CACNA1G: variants seen among roughly 807,000 people sequenced by gnomAD.
The protein encoded by CACNA1G is calcium voltage-gated channel subunit alpha1 G.
CACNA1G carries 67 observed loss-of-function variants against 219.4 expected under a neutral mutation model. That is an observed-to-expected ratio of 0.31 (90% CI 0.25 to 0.37). The LOEUF is 0.37. CACNA1G is among the 10% of genes least tolerant of loss of function. The pLI is 1.00. For synonymous variants in CACNA1G, 1,296 were observed against 1,345.3 expected, an observed-to-expected ratio of 0.96 and a Z score of 0.80; for missense variants, 2,380 against 3,231.4, an observed-to-expected ratio of 0.74 and a Z score of 6.39.
At position 50,603,194 on chromosome 17, in the gene CACNA1G, G is replaced by A. The variant is rs527581833; in HGVS notation, c.4164G>A (p.Pro1388=). 36 of 1,602,024 alleles carry A rather than the reference G, an allele frequency of 2.2e-5. 1 individual carries two copies. Among genetic ancestry groups the A allele is most frequent in the South Asian group, 1.3e-4 (12 of 90,900 alleles). ...TGCGGCTGCTGCGGACCCTGCGCCCGCTCAGGTGACTCCCTCCCCAGCACT... is the reference window on the plus strand; with the variant it reads ...TGCGGCTGCTGCGGACCCTGCGCCCACTCAGGTGACTCCCTCCCCAGCACT... ...RVLRLLRTLR[P]LRVISRAQGL... is the part of the protein sequence containing the mutation. The change falls in exon 21 of 38, where the codon CCG becomes CCA. Residue 1388 remains proline, a synonymous_variant. Transcript: ENST00000359106. The surrounding 1 kb of genome is among the most constrained non-coding windows in gnomAD (Gnocchi z 6.4).
At chr17:50,584,944 T>C (rs2042711513) in intron 9 of CACNA1G, among the ~76,000 whole-genome samples, 1 of 152,030 alleles carries the variant, frequency 6.6e-6, no homozygotes, top group Non-Finnish European at 1.5e-5. Context: ...TGTTCGTGCC[T>C]CTCTCTAGCG....
At chr17:50,569,015 T>TGTGTGTGTGTGTGTGTGTTG (rs58450142) in intron 2 of CACNA1G, 34 bp downstream of exon 2, 24,510 of 1,212,858 alleles carry the variant, frequency 0.02, 284 homozygotes, top group African/African-American at 0.031. Context: ...TGTGTGTGTG[T>TGTGTGTGTGTGTGTGTGTTG]TGTGTGTGTT....
At chr17:50,624,324 T>TGCCCCCCCCCCGCCCCCCCGGG in intron 36 of CACNA1G, 36 bp from the exon 37 acceptor site, 1 of 1,177,664 alleles carries the variant, frequency 8.5e-7, no homozygotes, top group Non-Finnish European at 1.2e-6. Context: ...CTCCATTCTC[T>TGCCCCCCCCCCGCCCCCCCGGG]CCCCCCACCC....
chr17:50,561,622 G>T lies in CACNA1G; in HGVS notation c.163G>T (p.Ala55Ser), dbSNP rs747394020. 2 of 1,598,856 alleles carry T rather than the reference G, an allele frequency of 1.3e-6. No homozygotes were observed. The highest frequency in any genetic ancestry group is 8.5e-7 in the Non-Finnish European group (1 of 1,173,840). Residue 55 changes from alanine to serine, a missense_variant, in exon 1 of 38, where the codon GCG becomes TCG. This residue lies in a region of CACNA1G where 98 missense variants were observed against 85.5 expected (regional missense o/e 1.15). Coordinates refer to ENST00000359106, the MANE Select transcript of CACNA1G (RefSeq NM_018896.5). ...CGAGGCGGAGGGGCTGCCGTACCCGGCGCTGGCCCCGGTGGTTTTCTTCTA... is the reference window on the plus strand; with the variant it reads ...CGAGGCGGAGGGGCTGCCGTACCCGTCGCTGGCCCCGGTGGTTTTCTTCTA... ...DSEAEGLPYPALAPVVFFYLS... is the reference protein window; with the variant it reads ...DSEAEGLPYPSLAPVVFFYLS...
At chr17:50,564,226 G>A (rs1721161433) in intron 1 of CACNA1G, among the ~76,000 whole-genome samples, 1 of 151,076 alleles carries the variant, frequency 6.6e-6, no homozygotes, top group Admixed American at 6.6e-5. Context: ...AGGGGTACTG[G>A]CAGACAGTCA....
At chr17:50,601,224 C>T in intron 19 of CACNA1G, 50 bp downstream of exon 19, 2 of 1,600,674 alleles carry the variant, frequency 1.2e-6, no homozygotes, top group Non-Finnish European at 8.5e-7. Context: ...GGTTTGCACT[C>T]AGGACCAGTG....
At chr17:50,585,031 G>A (rs905988045) in intron 9 of CACNA1G, among the ~76,000 whole-genome samples, 1 of 152,134 alleles carries the variant, frequency 6.6e-6, no homozygotes, top group East Asian at 1.9e-4. Context: ...GGGCAGGGCA[G>A]GAGCTCTTGA....
intron 1 of CACNA1G, among the ~76,000 whole-genome samples, chr17:50,564,736 G>A (rs188074880): frequency 2.3e-4 from 35 of 152,044 alleles, no homozygotes; most frequent in African/African-American, 8.5e-4. Context: ...AGGAAATGGT[G>A]GGGGGAGTGT....
chr17:50,580,710 G>A (rs777368753), intron 9 of CACNA1G, among the ~76,000 whole-genome samples: 1 of 152,210 alleles, frequency 6.6e-6, no homozygotes, highest in Non-Finnish European at 1.5e-5. Context: ...CTCAGTGACA[G>A]CAGTGTCTGC....
chr17:50,623,305 T>C (rs1398288651), intron 35 of CACNA1G, among the ~76,000 whole-genome samples: 1 of 130,202 alleles, frequency 7.7e-6, no homozygotes, highest in Non-Finnish European at 1.6e-5. Flanking sequence ...AGAAATGGGG[T>C]TTTGCCATGT....
chr17:50,591,495 G>A lies in CACNA1G; in HGVS notation c.2514G>A (p.Leu838=), dbSNP rs1340585106. The A allele has an allele frequency of 9.3e-6, 15 of 1,607,942 alleles. No individual in the cohort carries two copies. The highest frequency in any genetic ancestry group is 1.2e-5 in the Non-Finnish European group (14 of 1,177,646). The change falls in exon 11 of 38, where the codon CTG becomes CTA. Residue 838 remains leucine (L), a synonymous_variant. Transcript: ENST00000359106. ...GGLSVLRTFR[L]MRVLKLVRFL... The stretch of plus-strand genomic sequence containing the variant: ...TGTCGGTGCTGCGGACCTTCCGCCT[G>A]ATGCGTGTGCTGAAGCTGGTGCGCT...
rs573553757 is a variant in CACNA1G at position 50,622,456 on chromosome 17, G to A, written c.6060+662G>A. Among the ~76,000 whole-genome samples the A allele has an allele frequency of 5.9e-5, 9 of 152,266 alleles. No individual in the cohort carries two copies. In the East Asian group the frequency reaches 1.5e-3, roughly 26 times the overall value. The stretch of plus-strand genomic sequence containing the variant: ...CCACTGTTCCCCTCCTGTTGTCAGA[G>A]GAGGGCCCAGCTGAGGCAGGGACTG... On this transcript the variant is annotated intron_variant, in intron 35 of 37. Transcript: ENST00000359106.
Position 50,592,074 on chromosome 17 carries a change from G to A in CACNA1G, c.2892G>A (p.Val964=). ...VLFNLLVAIL[V]EGFQAEEISK... is the part of the protein sequence containing the mutation. ...TCAATTTGCTGGTCGCCATTCTGGT[G>A]GAGGGCTTCCAGGCGGAGGTAACCC... is the stretch of plus-strand genomic sequence containing the variant. Residue 964 remains valine, a synonymous_variant, in exon 13 of 38, where the codon GTG becomes GTA. Transcript: ENST00000359106. 6.2e-7 allele frequency: 1 copy of A among 1,613,506 alleles called. No individual in the cohort carries two copies. The highest frequency in any genetic ancestry group is 1.1e-5 in the South Asian group (1 of 91,000).
chr17:50,565,304 G>C (rs2037408828), intron 1 of CACNA1G, among the ~76,000 whole-genome samples: 1 of 151,332 alleles, frequency 6.6e-6, no homozygotes, highest in Non-Finnish European at 1.5e-5. Flanking sequence ...TTTCAATTCA[G>C]CTGGAAGCCT....
chr17:50,609,105 C>T (rs908032065), intron 25 of CACNA1G, among the ~76,000 whole-genome samples: 1 of 152,194 alleles, frequency 6.6e-6, no homozygotes, highest in African/African-American at 2.4e-5. Flanking sequence ...GGTGTGTTCA[C>T]ATGTGAGTAC....
chr17:50,581,908 T>G (rs1389172270), intron 9 of CACNA1G, among the ~76,000 whole-genome samples: 2 of 152,242 alleles, frequency 1.3e-5, no homozygotes, highest in African/African-American at 2.4e-5. Context: ...GATTAACAAC[T>G]AGCCCTTCTA....
chr17:50,624,328 C>CCCCCCCCCCCCCCCCCT, intron 36 of CACNA1G, 32 bp from the exon 37 acceptor site: 4 of 1,151,238 alleles, frequency 3.5e-6, no homozygotes, highest in South Asian at 1.3e-5. Context: ...ATTCTCTCCC[C>CCCCCCCCCCCCCCCCCT]CCACCCCTCC....
chr17:50,613,358 C>T (rs944747384), intron 26 of CACNA1G, among the ~76,000 whole-genome samples: 3 of 152,180 alleles, frequency 2.0e-5, no homozygotes, highest in African/African-American at 7.2e-5. Flanking sequence ...GGTGTTTGTA[C>T]AGACCTCAGG....
chr17:50,612,945 C>A (rs1432427401), intron 26 of CACNA1G, among the ~76,000 whole-genome samples: 3 of 152,206 alleles, frequency 2.0e-5, no homozygotes, highest in African/African-American at 7.2e-5. Flanking sequence ...CAAGGCTCCT[C>A]CCAGGGGCTT....
Sources: gnomAD v4.1 joint callset for allele counts (sites outside exome capture counted in the v4.1 genomes callset) on GRCh38, gnomAD v4.1.1 for gene constraint, gnomAD v4.1.1 regional missense constraint, Gnocchi (gnomAD v3.1) non-coding constraint, MANE v1.5 for transcripts, NCBI Gene and HGNC (gene_info 2026-07-23, HGNC 2026-07-21) for gene names.